Variants in CADPS2 observed in about 807,000 individuals in gnomAD.
CADPS2 encodes calcium dependent secretion activator 2.
In CADPS2, 93 loss-of-function variants were observed where a neutral mutation model predicts 172.5. That is an observed-to-expected ratio of 0.54 (90% CI 0.46 to 0.64). The LOEUF (loss-of-function observed/expected upper bound fraction) is 0.64, where lower values mean the gene tolerates loss of function less well. Among genes scored for constraint, CADPS2 ranks in the 30% least tolerant of loss-of-function variants. CADPS2 has a pLI of 0.00. For synonymous variants in CADPS2, 546 were observed against 555.2 expected, an observed-to-expected ratio of 0.98 and a Z score of 0.23; for missense variants, 1,420 against 1,565.9, an observed-to-expected ratio of 0.91 and a Z score of 1.57.
intron 8 of CADPS2, among the ~76,000 whole-genome samples, chr7:122,541,622 T>C (rs978741935): frequency 1.3e-4 from 19 of 146,104 alleles, no homozygotes; most frequent in African/African-American, 4.2e-4. Flanking sequence ...CATATATCCA[T>C]ATATATTTTC....
At chr7:122,819,125 A>G (rs1343099272) in intron 1 of CADPS2, among the ~76,000 whole-genome samples, 1 of 152,152 alleles carries the variant, frequency 6.6e-6, no homozygotes, top group African/African-American at 2.4e-5. Context: ...GCACACAAGA[A>G]CTTCCAAACG....
At chr7:122,837,148 G>A (rs1808747966) in intron 1 of CADPS2, among the ~76,000 whole-genome samples, 1 of 152,122 alleles carries the variant, frequency 6.6e-6, no homozygotes. Flanking sequence ...TCAACTACAT[G>A]GAAACTGAAC....
chr7:122,612,282 T>C (rs1240647544), intron 6 of CADPS2, among the ~76,000 whole-genome samples: 1 of 151,998 alleles, frequency 6.6e-6, no homozygotes, highest in Non-Finnish European at 1.5e-5. Flanking sequence ...TGACATGGTC[T>C]TGTACATAGA....
At chr7:122,539,755 CTCTCTG>C (rs71531904) in intron 8 of CADPS2, among the ~76,000 whole-genome samples, 4 of 151,814 alleles carry the variant, frequency 2.6e-5, no homozygotes, top group Non-Finnish European at 4.4e-5. Flanking sequence ...CTCTCTGTCT[CTCTCTG>C]TCTCTGTCTC....
intron 8 of CADPS2, among the ~76,000 whole-genome samples, chr7:122,514,748 T>C (rs2130868902): frequency 6.6e-6 from 1 of 152,230 alleles, no homozygotes; most frequent in East Asian, 1.9e-4. Flanking sequence ...CCAACAGCAG[T>C]AAAATTAGTC....
At chr7:122,756,624 C>T (rs953973543) in intron 1 of CADPS2, among the ~76,000 whole-genome samples, 6 of 152,154 alleles carry the variant, frequency 3.9e-5, no homozygotes, top group East Asian at 1.9e-4. Flanking sequence ...AAGGGTTGGG[C>T]GCGGTGGCAC....
chr7:122,594,379 A>G (rs1050348196), intron 6 of CADPS2, among the ~76,000 whole-genome samples: 2 of 135,864 alleles, frequency 1.5e-5, no homozygotes, highest in East Asian at 2.1e-4. Context: ...GACTTTCATA[A>G]TAAGAAAAAT....
chr7:122,688,153 C>T (rs967848346), intron 2 of CADPS2, among the ~76,000 whole-genome samples: 1 of 152,198 alleles, frequency 6.6e-6, no homozygotes, highest in Admixed American at 6.5e-5. Context: ...CTGACCCATA[C>T]CCACCTCTTC....
intron 1 of CADPS2, among the ~76,000 whole-genome samples, chr7:122,877,592 A>G (rs1176140912): frequency 6.6e-6 from 1 of 152,198 alleles, no homozygotes; most frequent in Admixed American, 6.5e-5. Context: ...CCATAATGAG[A>G]TTTAAAAAGA....
chr7:122,643,121 T>C (rs912019068), intron 3 of CADPS2, among the ~76,000 whole-genome samples: 4 of 152,190 alleles, frequency 2.6e-5, no homozygotes, highest in Middle Eastern at 3.2e-3. Context: ...CTAATGCTGA[T>C]TCCAAAAGAA....
rs551583201 is a variant in CADPS2, at chr7:122,626,243, T to C, written c.867+3005A>G. On this transcript the variant is annotated intron_variant, in intron 4 of 29. Transcript: ENST00000449022. ...TAGTGCAGAACATCACTGGCTGTTG[T>C]GTTAATGAGGACAGGGGTAGAATCC... 1.2e-4 allele frequency among the ~76,000 whole-genome samples: 18 copies of C among 152,282 alleles called. No homozygotes were observed. In the South Asian group the frequency reaches 3.7e-3, roughly 32 times the overall value.
At chr7:122,346,819 G>A (rs1170214817) in intron 27 of CADPS2, among the ~76,000 whole-genome samples, 1 of 152,068 alleles carries the variant, frequency 6.6e-6, no homozygotes, top group African/African-American at 2.4e-5. Context: ...TTTTCTAATT[G>A]ATTTATGTTT....
At chr7:122,857,392 C>T (rs1815589201) in intron 1 of CADPS2, among the ~76,000 whole-genome samples, 1 of 152,010 alleles carries the variant, frequency 6.6e-6, no homozygotes, top group Non-Finnish European at 1.5e-5. Context: ...ATAGTAAAAA[C>T]TGAAAAAGTA....
At chr7:122,692,423 C>A (rs2084499767) in intron 2 of CADPS2, among the ~76,000 whole-genome samples, 1 of 152,192 alleles carries the variant, frequency 6.6e-6, no homozygotes, top group Non-Finnish European at 1.5e-5. Flanking sequence ...AGCACAGTTA[C>A]AAACGCCCAT....
At chr7:122,803,931 T>G (rs545660065) in intron 1 of CADPS2, among the ~76,000 whole-genome samples, 16 of 149,320 alleles carry the variant, frequency 1.1e-4, no homozygotes, top group Admixed American at 5.4e-4. Context: ...TCCCTAGTTT[T>G]GACCTGCTGC....
chr7:122,488,228 G>C (rs1292609069), intron 11 of CADPS2, among the ~76,000 whole-genome samples: 1 of 152,190 alleles, frequency 6.6e-6, no homozygotes, highest in East Asian at 1.9e-4. Flanking sequence ...GTTGTGCTGG[G>C]GGTGAGCAAT....
chr7:122,715,869 T>C (rs2089523653), intron 2 of CADPS2, among the ~76,000 whole-genome samples: 1 of 152,102 alleles, frequency 6.6e-6, no homozygotes, highest in Non-Finnish European at 1.5e-5. Flanking sequence ...TTTGCTCCTC[T>C]AGATTTTACT....
chr7:122,543,642 A>G (rs2063325275), intron 8 of CADPS2, among the ~76,000 whole-genome samples: 2 of 152,158 alleles, frequency 1.3e-5, no homozygotes, highest in Non-Finnish European at 1.5e-5. Flanking sequence ...AGTAGGGAGT[A>G]TTCAAGATTA....
chr7:122,753,246 T>C (rs2093023266), intron 1 of CADPS2, among the ~76,000 whole-genome samples: 2 of 152,210 alleles, frequency 1.3e-5, no homozygotes, highest in South Asian at 4.1e-4. Flanking sequence ...TACATACACA[T>C]GGAGCACAGA....
Sources: gnomAD v4.1 joint callset for allele counts (sites outside exome capture counted in the v4.1 genomes callset) on GRCh38, gnomAD v4.1.1 for gene constraint, MANE v1.5 for transcripts, NCBI Gene and HGNC (gene_info 2026-07-23, HGNC 2026-07-21) for gene names.